MYO15B: variants seen among roughly 807,000 people sequenced by gnomAD.
MYO15B encodes the protein myosin XVB pseudogene.
A neutral mutation model predicts 119.3 loss-of-function variants in MYO15B; 207 were observed. The observed-to-expected ratio is 1.73, with a 90% CI of 1.55 to 1.95. MYO15B has a LOEUF of 1.95. Among genes scored for constraint, MYO15B ranks in the 30% most tolerant of loss-of-function variants. MYO15B has a pLI of 0.00. For missense variants in MYO15B, 2,264 were observed against 1,203.1 expected, an observed-to-expected ratio of 1.88 and a Z score of -13.04; for synonymous variants, 966 against 498.9, an observed-to-expected ratio of 1.94 and a Z score of -12.48.
chr17:75,624,008 C>T lies in MYO15B; in HGVS notation c.8216C>T (p.Ser2739Leu), dbSNP rs534092782. 8.7e-5 allele frequency: 61 copies of T among 703,026 alleles called. No homozygotes were observed. The East Asian group carries it at 1.1e-3, about 13-fold the overall frequency. The allele number at this position is 703,026 out of a possible 1,614,324, so 43.5% of individuals were successfully genotyped here. Residue 2739 changes from serine to leucine, a missense_variant, in exon 55 of 64, where the codon TCG becomes TTG. Coordinates refer to ENST00000645453, the Ensembl canonical transcript of MYO15B. ...CTTCTCACAGGCTTCTTCCCCCCGT[C>T]GACCAGGCTGATGCCCTACCTGACC...
Position 75,594,762 on chromosome 17 carries a change from G to C in MYO15B, c.3164+3G>C. 1 of 703,060 alleles carries C rather than the reference G, an allele frequency of 1.4e-6. No individual in the cohort carries two copies. Among genetic ancestry groups the C allele is most frequent in the Non-Finnish European group, 2.6e-6 (1 of 385,000 alleles). The allele number at this position is 703,060 out of a possible 1,614,324, so 43.6% of individuals were successfully genotyped here. A position where few individuals can be genotyped will look rare whatever the true frequency, so the allele number is the denominator to read the frequency against. On this transcript the variant is annotated splice_donor_region_variant and intron_variant, in intron 11 of 63. Coordinates refer to ENST00000645453, the Ensembl canonical transcript of MYO15B. ...GTGGAAAGTGCCTTTGATGCCAGGT[G>C]GCCCTAGAGACGGGTGAGAGTCAGA...
At chr17:75,596,409 TG>T in intron 12 of MYO15B, 50 bp from the exon 13 acceptor site, 4 of 683,026 alleles carry the variant, frequency 5.9e-6, no homozygotes, top group Non-Finnish European at 1.1e-5. Flanking sequence ...GCCTCTGGGG[TG>T]GGGGGAGGGC....
rs973453894 is a variant in MYO15B, at chr17:75,610,966, G to A, written c.4446+7G>A. The A allele has an allele frequency of 1.3e-5, 9 of 702,880 alleles. No individual in the cohort carries two copies. The highest frequency in any genetic ancestry group is 2.3e-4 in the Middle Eastern group (1 of 4,390). The allele number at this position is 702,880 out of a possible 1,614,324, so 43.5% of individuals were successfully genotyped here. ...GGAGAGAGTGCCAAGCATGGTAGGT[G>A]GCCTGGAAAGTGGGGGGTTTTACAT... On this transcript the variant is annotated splice_region_variant and intron_variant, in intron 23 of 63. Coordinates refer to ENST00000645453, the Ensembl canonical transcript of MYO15B.
chr17:75,602,150 A>G (rs1002566555), intron 15 of MYO15B, among the ~76,000 whole-genome samples: 5 of 152,166 alleles, frequency 3.3e-5, no homozygotes, highest in African/African-American at 1.2e-4. Flanking sequence ...AAAAACTACA[A>G]ACTACCCAGG....
chr17:75,602,877 G>A (rs1386156406), exon 17 of MYO15B: 3 of 676,904 alleles, frequency 4.4e-6, no homozygotes, highest in Non-Finnish European at 8.1e-6. Flanking sequence ...CCAGGGGAGG[G>A]CGAGGCAGAC....
intron 9 of MYO15B, among the ~76,000 whole-genome samples, chr17:75,594,173 T>C (rs944862173): frequency 8.6e-5 from 13 of 151,998 alleles, no homozygotes; most frequent in Admixed American, 8.5e-4. Context: ...GCATTTGTTT[T>C]CTAATTTAGT....
exon 39 of MYO15B, chr17:75,616,751 C>G: frequency 2.8e-6 from 2 of 703,028 alleles, no homozygotes; most frequent in Non-Finnish European, 5.2e-6. Context: ...CCAGAGCCGC[C>G]CGGGCCCCGT....
At chr17:75,614,907 C>A in intron 32 of MYO15B, 54 bp from the exon 33 acceptor site, 1 of 702,948 alleles carries the variant, frequency 1.4e-6, no homozygotes, top group South Asian at 1.5e-5. Context: ...CCTCTGCTGC[C>A]CCTTCCATTT....
intron 30 of MYO15B, 29 bp from the exon 31 acceptor site, chr17:75,614,554 C>T (rs992772947): frequency 1.4e-6 from 1 of 699,658 alleles, no homozygotes; most frequent in South Asian, 1.5e-5. Flanking sequence ...GCCTTGGCCA[C>T]CCCCTTAGCT....
intron 19 of MYO15B, among the ~76,000 whole-genome samples, chr17:75,604,639 G>A (rs1371113816): frequency 7.1e-6 from 1 of 140,666 alleles, no homozygotes; most frequent in Non-Finnish European, 1.5e-5. Flanking sequence ...TGTTGCTCCC[G>A]TGGCCCAGAA....
At chr17:75,591,734 C>A (rs771306815) in intron 5 of MYO15B, 22 bp downstream of exon 5, 1 of 702,826 alleles carries the variant, frequency 1.4e-6, no homozygotes, top group South Asian at 1.5e-5. Context: ...GCTGGAGGTA[C>A]CTCATGGGTT....
chr17:75,619,370 T>A lies in MYO15B; in HGVS notation c.7076T>A (p.Val2359Glu), dbSNP rs1047089131. 6 of 702,214 alleles carry A rather than the reference T, an allele frequency of 8.5e-6. No individual in the cohort carries two copies. The Admixed American group carries it at 1.0e-4, about 12-fold the overall frequency. The allele number at this position is 702,214 out of a possible 1,614,324, so 43.5% of individuals were successfully genotyped here. Residue 2359 changes from valine (V) to glutamate (E), a missense_variant, in exon 45 of 64, where the codon GTG (valine) becomes GAG (glutamate). Val to Glu is a moderately radical substitution (Grantham distance 121). Transcript: ENST00000645453. ...TTCCTGCCCACAGGAGGCTTGGAGG[T>A]GGACCTGGATTCTCTCACCACCACC...
exon 22 of MYO15B, chr17:75,610,217 G>A: frequency 1.4e-6 from 1 of 701,576 alleles, no homozygotes; most frequent in African/African-American, 1.7e-5. Context: ...ACACCATCCT[G>A]CTGGTGGCCC....
exon 1 of MYO15B, chr17:75,588,181 C>T (rs1307664136): frequency 1.0e-5 from 4 of 397,996 alleles, no homozygotes; most frequent in East Asian, 3.6e-5. Context: ...CCGTTCCGAC[C>T]GCGGGCAGGC....
At chr17:75,614,896 G>T in intron 32 of MYO15B, 47 bp downstream of exon 32, 1 of 702,916 alleles carries the variant, frequency 1.4e-6, no homozygotes, top group Non-Finnish European at 2.6e-6. Context: ...ACCCCCCGGG[G>T]CCTCTGCTGC....
At chr17:75,617,434 TGGAGCCATACGTAGCTGG>T (rs2058441602) in intron 41 of MYO15B, 130 bp downstream of exon 41, 1 of 564,306 alleles carries the variant, frequency 1.8e-6, no homozygotes, top group Non-Finnish European at 3.1e-6. Context: ...TTCTGGACTT[TGGAGCCATACGTAGCTGG>T]GGAGTCCCAG....
chr17:75,596,182 C>T (rs558062250), intron 12 of MYO15B, among the ~76,000 whole-genome samples: 3 of 152,120 alleles, frequency 2.0e-5, no homozygotes, highest in Admixed American at 6.5e-5. Context: ...TAGGGAAAGT[C>T]GCCTTCCAAG....
intron 53 of MYO15B, 38 bp downstream of exon 53, chr17:75,622,118 G>A: frequency 1.4e-6 from 1 of 701,768 alleles, no homozygotes; most frequent in Non-Finnish European, 2.6e-6. Flanking sequence ...GCCTGTGCCT[G>A]TCCTCCTGTC....
chr17:75,595,539 A>G (rs1025232328), intron 12 of MYO15B, among the ~76,000 whole-genome samples: 13 of 152,230 alleles, frequency 8.5e-5, no homozygotes, highest in African/African-American at 3.1e-4. Context: ...TCTGTAAAAC[A>G]GAATTCCCAG....
Sources: allele counts gnomAD v4.1 joint callset (sites outside exome capture counted in the v4.1 genomes callset), GRCh38; gene constraint gnomAD v4.1.1; transcripts MANE v1.5; gene names NCBI Gene and HGNC (gene_info 2026-07-23, HGNC 2026-07-21).